Variants in SLC10A7 observed in about 807,000 individuals in gnomAD.
The protein encoded by SLC10A7 is sodium/bile acid cotransporter 7.
Under a neutral mutation model 43.2 loss-of-function variants are expected in SLC10A7, and 29 were observed. The ratio of observed to expected loss-of-function variants is 0.67; its 90% CI spans 0.50 to 0.92. The LOEUF (loss-of-function observed/expected upper bound fraction) is 0.92. Ranked by LOEUF, SLC10A7 falls within the 40% of genes least tolerant of loss-of-function variation. SLC10A7 has a pLI of 0.00. For synonymous variants in SLC10A7, 152 were observed against 144.8 expected (o/e 1.05, Z -0.35); for missense variants, 295 against 403.2 (o/e 0.73, Z 2.30).
intron 5 of SLC10A7, among the ~76,000 whole-genome samples, chr4:146,345,287 G>A (rs1362713689): frequency 6.6e-6 from 1 of 152,134 alleles, no homozygotes; most frequent in Non-Finnish European, 1.5e-5. Context: ...CATCTAGGAA[G>A]GGGTCATTTT....
chr4:146,431,327 A>T (rs1729760730), intron 5 of SLC10A7, among the ~76,000 whole-genome samples: 1 of 152,124 alleles, frequency 6.6e-6, no homozygotes, highest in Non-Finnish European at 1.5e-5. Flanking sequence ...ACAGAAATTG[A>T]CTTCTTTAAC....
intron 6 of SLC10A7, among the ~76,000 whole-genome samples, chr4:146,315,265 A>T (rs1732248136): frequency 6.6e-6 from 1 of 152,144 alleles, no homozygotes; most frequent in African/African-American, 2.4e-5. Flanking sequence ...TCGCCTCTTC[A>T]TCTTAATTAC....
chr4:146,305,870 T>C, intron 7 of SLC10A7, 56 bp downstream of exon 7: 1 of 1,448,578 alleles, frequency 6.9e-7, no homozygotes, highest in Admixed American at 2.2e-5. Context: ...TGACATTATG[T>C]AAGATTTCAC....
intron 5 of SLC10A7, among the ~76,000 whole-genome samples, chr4:146,369,561 G>A (rs1387357026): frequency 1.3e-5 from 2 of 152,136 alleles, no homozygotes; most frequent in African/African-American, 4.8e-5. Flanking sequence ...TATCATAAAT[G>A]ATGATTCAGT....
intron 5 of SLC10A7, among the ~76,000 whole-genome samples, chr4:146,343,394 G>A: frequency 6.6e-6 from 1 of 152,014 alleles, no homozygotes; most frequent in Non-Finnish European, 1.5e-5. Context: ...TGGCCTGTGG[G>A]CCACTCATCT....
chr4:146,413,603 C>G (rs1728352443), intron 5 of SLC10A7, among the ~76,000 whole-genome samples: 1 of 152,114 alleles, frequency 6.6e-6, no homozygotes, highest in South Asian at 2.1e-4. Flanking sequence ...AATAACTAAC[C>G]TATAACAGAA....
intron 5 of SLC10A7, among the ~76,000 whole-genome samples, chr4:146,352,061 A>G (rs1735158872): frequency 9.0e-6 from 1 of 110,988 alleles, no homozygotes; most frequent in Non-Finnish European, 1.8e-5. Context: ...TAAATGGACT[A>G]AATTCTCCAA....
intron 7 of SLC10A7, among the ~76,000 whole-genome samples, chr4:146,305,048 C>T (rs1050313845): frequency 1.3e-5 from 2 of 151,428 alleles, no homozygotes; most frequent in Non-Finnish European, 2.9e-5. Context: ...CTAGAAATAC[C>T]ATTTGACCCA....
intron 4 of SLC10A7, among the ~76,000 whole-genome samples, chr4:146,451,399 T>C (rs1381230826): frequency 6.6e-6 from 1 of 151,794 alleles, no homozygotes; most frequent in African/African-American, 2.4e-5. Flanking sequence ...ATTACCCTGA[T>C]ACCAAACCAG....
rs143969471 is a variant in SLC10A7 at position 146,288,502 on chromosome 4, A to G, written c.773+4427T>C. ...AAGTTGGTTGCCCCAAACCTTGGTC[A>G]TAAGTTTGCCCTTTTGAGAAAGACA... On this transcript the variant is annotated intron_variant, in intron 9 of 11. Coordinates refer to ENST00000335472, the MANE Select transcript of SLC10A7 (RefSeq NM_001029998.6). Among the ~76,000 whole-genome samples, 458 of 152,332 alleles carry G rather than the reference A, an allele frequency of 3.0e-3. 1 individual carries two copies. Among genetic ancestry groups the G allele is most frequent in the Non-Finnish European group, 4.4e-3 (299 of 68,026 alleles).
At chr4:146,256,761 A>G (rs1727913649) in intron 11 of SLC10A7, 9 of 1,278,226 alleles carry the variant, frequency 7.0e-6, no homozygotes, top group Non-Finnish European at 7.6e-6. Context: ...TCCCCTGTGC[A>G]CTAGATGGTA....
intron 10 of SLC10A7, among the ~76,000 whole-genome samples, chr4:146,264,085 G>A (rs1253659526): frequency 1.3e-5 from 2 of 152,208 alleles, no homozygotes; most frequent in African/African-American, 4.8e-5. Context: ...CATCTGCCAA[G>A]TAGCAACTTC....
intron 6 of SLC10A7, among the ~76,000 whole-genome samples, chr4:146,323,659 T>A (rs921156196): frequency 9.2e-5 from 14 of 152,194 alleles, no homozygotes; most frequent in Non-Finnish European, 1.9e-4. Context: ...GGTAGCGTGA[T>A]GCCTCCAGCT....
At chr4:146,402,299 A>G (rs998170181) in intron 5 of SLC10A7, among the ~76,000 whole-genome samples, 4 of 152,210 alleles carry the variant, frequency 2.6e-5, no homozygotes, top group African/African-American at 9.6e-5. Context: ...CACAGGATGT[A>G]TGCTAGTCTT....
At chr4:146,313,108 C>A (rs1052844809) in intron 6 of SLC10A7, among the ~76,000 whole-genome samples, 1 of 152,072 alleles carries the variant, frequency 6.6e-6, no homozygotes, top group Non-Finnish European at 1.5e-5. Context: ...GCTTGGTTAC[C>A]AATAGGCAAG....
intron 6 of SLC10A7, among the ~76,000 whole-genome samples, chr4:146,322,813 G>T (rs1022305101): frequency 2.0e-5 from 3 of 152,150 alleles, no homozygotes; most frequent in African/African-American, 7.2e-5. Context: ...TTCCACAATG[G>T]TTGAACTAGT....
intron 5 of SLC10A7, among the ~76,000 whole-genome samples, chr4:146,396,820 G>C (rs1738861531): frequency 6.7e-6 from 1 of 149,712 alleles, no homozygotes; most frequent in South Asian, 2.1e-4. Context: ...AAAAAGCATT[G>C]AGGGACCAGC....
chr4:146,403,093 C>T (rs1401948420), intron 5 of SLC10A7, among the ~76,000 whole-genome samples: 1 of 152,102 alleles, frequency 6.6e-6, no homozygotes, highest in African/African-American at 2.4e-5. Context: ...ACAAAGAATC[C>T]ACTATCTGTT....
chr4:146,502,330 T>TA (rs796833806), intron 4 of SLC10A7, among the ~76,000 whole-genome samples: 3 of 152,340 alleles, frequency 2.0e-5, no homozygotes, highest in African/African-American at 7.2e-5. Context: ...ATGACCACTT[T>TA]AAAAAATAGT....
Sources: allele counts gnomAD v4.1 joint callset (sites outside exome capture counted in the v4.1 genomes callset), GRCh38; gene constraint gnomAD v4.1.1; transcripts MANE v1.5; gene names NCBI Gene and HGNC (gene_info 2026-07-23, HGNC 2026-07-21).